Variants in REV1 observed in about 807,000 individuals in gnomAD.
REV1 encodes REV1 DNA directed polymerase, also known as translesion synthesis protein REV1.
In REV1, 42 loss-of-function variants were observed where a neutral mutation model predicts 137.4. The ratio of observed to expected loss-of-function variants is 0.31; its 90% CI spans 0.24 to 0.40. The LOEUF (loss-of-function observed/expected upper bound fraction) is 0.40, where lower values mean the gene tolerates loss of function less well. Among genes scored for constraint, REV1 ranks in the 10% least tolerant of loss-of-function variants. The probability of loss-of-function intolerance (pLI) is 1.00; values close to 1 mark genes in which losing one functional copy is unlikely to be tolerated. For synonymous variants in REV1, 524 were observed against 519.2 expected (o/e 1.01, Z -0.12); for missense variants, 1,282 against 1,490.1 (o/e 0.86, Z 2.30).
intron 1 of REV1, among the ~76,000 whole-genome samples, chr2:99,472,357 A>C (rs968843600): frequency 2.0e-5 from 3 of 152,250 alleles, no homozygotes; most frequent in African/African-American, 7.2e-5. Context: ...AAAGTAGTTA[A>C]ATTCAGAGAC....
chr2:99,477,973 C>T (rs913569703), intron 1 of REV1, among the ~76,000 whole-genome samples: 1 of 152,198 alleles, frequency 6.6e-6, no homozygotes, highest in Non-Finnish European at 1.5e-5. Context: ...TGGCTCACAC[C>T]TGTAATCCCA....
intron 21 of REV1, 75 bp from the exon 22 acceptor site, chr2:99,402,421 G>A: frequency 1.2e-6 from 1 of 841,222 alleles, no homozygotes; most frequent in Non-Finnish European, 1.9e-6. Context: ...ATGGATAAAG[G>A]AAAACTGCAT....
chr2:99,407,875 A>G (rs1676560029), intron 15 of REV1, among the ~76,000 whole-genome samples, 154 bp downstream of exon 15: 1 of 152,208 alleles, frequency 6.6e-6, no homozygotes, highest in South Asian at 2.1e-4. Flanking sequence ...GAGGAAGTCA[A>G]GAATTTTTGT....
intron 21 of REV1, 31 bp downstream of exon 21, chr2:99,402,613 C>G (rs554405541): frequency 1.9e-6 from 3 of 1,601,308 alleles, no homozygotes; most frequent in East Asian, 4.5e-5. Flanking sequence ...TACATCTCAG[C>G]CTTGGGCCAT....
intron 7 of REV1, 92 bp from the exon 8 acceptor site, chr2:99,434,540 CCT>C (rs1491357035): frequency 1.5e-6 from 1 of 665,430 alleles, no homozygotes; most frequent in Non-Finnish European, 2.4e-6. Flanking sequence ...TAAAAACATG[CCT>C]TTTTTTTCTT....
intron 4 of REV1, among the ~76,000 whole-genome samples, chr2:99,448,331 G>C (rs1008956064): frequency 6.6e-6 from 1 of 152,042 alleles, no homozygotes; most frequent in Non-Finnish European, 1.5e-5. Context: ...TTATAAATCA[G>C]TAATTGCTCA....
intron 9 of REV1, among the ~76,000 whole-genome samples, chr2:99,428,499 GAA>G (rs1559329940): frequency 6.6e-6 from 1 of 152,138 alleles, no homozygotes; most frequent in African/African-American, 2.4e-5. Flanking sequence ...AGCTGGGGAG[GAA>G]AAGTTTGGCA....
intron 9 of REV1, among the ~76,000 whole-genome samples, chr2:99,427,051 C>A (rs916275649): frequency 6.6e-6 from 1 of 151,804 alleles, no homozygotes; most frequent in South Asian, 2.1e-4. Context: ...GGCGTGGTGG[C>A]GGGAGCAGTA....
chr2:99,434,449 C>T lies in REV1; in HGVS notation c.1322-1G>A. On this transcript the variant is annotated splice_acceptor_variant, in intron 7 of 22. Transcript: ENST00000258428. LOFTEE classifies it high-confidence loss of function. ...TTACTTGTAACAGCCACTGGTTTTC[C>T]TGTGAGGAAAATATTAAATTATTTC... is the stretch of plus-strand genomic sequence containing the variant. 6.3e-7 allele frequency: 1 copy of T among 1,586,890 alleles called. No homozygotes were observed. The highest frequency in any genetic ancestry group is 8.6e-7 in the Non-Finnish European group (1 of 1,165,416).
chr2:99,456,188 C>T (rs762680942), intron 3 of REV1, among the ~76,000 whole-genome samples: 2 of 152,170 alleles, frequency 1.3e-5, no homozygotes, highest in Non-Finnish European at 2.9e-5. Flanking sequence ...AATATTTTAA[C>T]ATTCTGATGT....
Position 99,420,279 on chromosome 2 carries a change from G to C in REV1, c.1831+1220C>G, listed in dbSNP as rs143894297. ...TCTTAAAAATCCTGCTGGCTGGGGA[G>C]AGACTGCCCTCCCAGGGCTGGCTAA... On this transcript the variant is annotated intron_variant, in intron 11 of 22. Transcript: ENST00000258428. 2.6e-5 allele frequency among the ~76,000 whole-genome samples: 4 copies of C among 152,292 alleles called. No individual in the cohort carries two copies. The East Asian group carries it at 7.7e-4, about 29-fold the overall frequency.
At chr2:99,485,131 TAAC>T (rs747273951) in intron 1 of REV1, among the ~76,000 whole-genome samples, 1 of 151,584 alleles carries the variant, frequency 6.6e-6, no homozygotes, top group Non-Finnish European at 1.5e-5. Context: ...AGAAATGAAA[TAAC>T]AATCCTACAA....
intron 3 of REV1, among the ~76,000 whole-genome samples, chr2:99,462,294 T>A (rs1344863759): frequency 6.6e-6 from 1 of 152,216 alleles, no homozygotes; most frequent in Non-Finnish European, 1.5e-5. Flanking sequence ...TTTGAAACTA[T>A]GTACTTTGAT....
rs1339532069 is a variant in REV1, at chr2:99,429,917, A to G, written c.1470T>C (p.Asn490=). The G allele has an allele frequency of 1.2e-6, 2 of 1,601,784 alleles. No individual in the cohort carries two copies. The highest frequency in any genetic ancestry group is 4.5e-5 in the East Asian group (2 of 44,164). ...ADIPDSSLWE[N]PDSAQANGID... ...TTCCATTTGCTTGCGCAGAATCTGGATTCTCCCACAATGATGAATCTGGTA... is the reference window on the plus strand; with the variant it reads ...TTCCATTTGCTTGCGCAGAATCTGGGTTCTCCCACAATGATGAATCTGGTA... Residue 490 remains asparagine, a synonymous_variant, in exon 9 of 23, where the codon AAT becomes AAC. Coordinates refer to ENST00000258428, the MANE Select transcript of REV1 (RefSeq NM_016316.4).
chr2:99,431,773 C>G, intron 8 of REV1: 1 of 985,450 alleles, frequency 1.0e-6, no homozygotes, highest in Non-Finnish European at 1.2e-6. Context: ...GCGTGGGTCC[C>G]TCCACGAGCG....
At chr2:99,444,113 C>A (rs1228779433) in intron 4 of REV1, among the ~76,000 whole-genome samples, 1 of 152,200 alleles carries the variant, frequency 6.6e-6, no homozygotes, top group Non-Finnish European at 1.5e-5. Context: ...AGCCACCGCG[C>A]CCAGCCCTTT....
intron 13 of REV1, 51 bp downstream of exon 13, chr2:99,412,680 T>C: frequency 1.5e-6 from 2 of 1,309,430 alleles, no homozygotes; most frequent in Non-Finnish European, 2.2e-6. Flanking sequence ...GGTAGGACTA[T>C]GTAAAAATAT....
chr2:99,477,913 AAAG>A (rs1472590301), intron 1 of REV1, among the ~76,000 whole-genome samples: 1 of 152,216 alleles, frequency 6.6e-6, no homozygotes, highest in East Asian at 1.9e-4. Flanking sequence ...ATAGAAAGGG[AAAG>A]AAGTAGAGAC....
chr2:99,449,077 C>T (rs921293069), intron 4 of REV1, among the ~76,000 whole-genome samples: 1 of 152,050 alleles, frequency 6.6e-6, no homozygotes, highest in African/African-American at 2.4e-5. Flanking sequence ...AGTTTGAGAC[C>T]AGTCTCGGCA....
Sources: allele counts gnomAD v4.1 joint callset (sites outside exome capture counted in the v4.1 genomes callset), GRCh38; gene constraint gnomAD v4.1.1; transcripts MANE v1.5; gene names NCBI Gene and HGNC (gene_info 2026-07-23, HGNC 2026-07-21).